EYS: variants seen among roughly 807,000 people sequenced by gnomAD.
EYS encodes the protein protein eyes shut homolog.
A neutral mutation model predicts 282.1 loss-of-function variants in EYS; 250 were observed. That is an observed-to-expected ratio of 0.89 (90% CI 0.80 to 0.98). EYS has a LOEUF of 0.98. Ranked by LOEUF, EYS falls within the 50% of genes least tolerant of loss-of-function variation. EYS has a pLI of 0.00. For synonymous variants in EYS, 1,355 were observed against 1,282.9 expected (o/e 1.06, Z -1.20); for missense variants, 4,016 against 3,709.0 (o/e 1.08, Z -2.15).
chr6:64,610,195 G>A (rs1374543349), intron 24 of EYS, among the ~76,000 whole-genome samples: 1 of 151,900 alleles, frequency 6.6e-6, no homozygotes, highest in African/African-American at 2.4e-5. Flanking sequence ...AGTCTAAAAT[G>A]TTAAGCCATT....
chr6:64,443,324 C>G (rs1288457335), intron 26 of EYS, among the ~76,000 whole-genome samples: 2 of 152,160 alleles, frequency 1.3e-5, no homozygotes, highest in African/African-American at 4.8e-5. Flanking sequence ...ATCTAGGAAG[C>G]AATTAACTTG....
At chr6:65,145,025 C>T (rs1473775527) in intron 12 of EYS, among the ~76,000 whole-genome samples, 1 of 151,982 alleles carries the variant, frequency 6.6e-6, no homozygotes, top group Non-Finnish European at 1.5e-5. Flanking sequence ...CCCATCTTGG[C>T]CTCCCAAAGT....
chr6:65,195,382 T>C (rs564392107), intron 12 of EYS, among the ~76,000 whole-genome samples: 1 of 152,186 alleles, frequency 6.6e-6, no homozygotes, highest in South Asian at 2.1e-4. Context: ...TTCTTAATGC[T>C]GTGGTTTTAC....
At chr6:64,833,734 T>C (rs1765294212) in intron 19 of EYS, among the ~76,000 whole-genome samples, 1 of 151,932 alleles carries the variant, frequency 6.6e-6, no homozygotes. Context: ...GTTAAAATTA[T>C]ATTTCCACAT....
chr6:65,117,788 G>A lies in EYS; in HGVS notation c.2024-60061C>T, dbSNP rs193164258. Among the ~76,000 whole-genome samples the A allele has an allele frequency of 1.8e-3, 269 of 152,260 alleles. 3 individuals are homozygous for A. The highest frequency in any genetic ancestry group is 6.2e-3 in the African/African-American group (259 of 41,568). On this transcript the variant is annotated intron_variant, in intron 12 of 42. Transcript: ENST00000503581. Reference sequence around the variant, plus strand: ...CCAAGGAAGAATCTGACATAAAAAAGAATTAAATATGTTATTAATGCCCTA... The same window carrying A: ...CCAAGGAAGAATCTGACATAAAAAAAAATTAAATATGTTATTAATGCCCTA...
At chr6:64,414,749 C>T (rs1190872462) in intron 28 of EYS, among the ~76,000 whole-genome samples, 4 of 152,172 alleles carry the variant, frequency 2.6e-5, no homozygotes, top group African/African-American at 7.2e-5. Flanking sequence ...ATACTTTGCC[C>T]GTTGCTTTTC....
chr6:64,967,374 G>A (rs964768860), intron 14 of EYS, among the ~76,000 whole-genome samples: 4 of 151,350 alleles, frequency 2.6e-5, no homozygotes, highest in Non-Finnish European at 5.9e-5. Context: ...CCCCAAGCTG[G>A]AGTGCAGTGG....
intron 1 of EYS, among the ~76,000 whole-genome samples, chr6:65,675,342 C>A (rs1290793401): frequency 1.3e-5 from 2 of 151,396 alleles, no homozygotes. Context: ...AAAACCAAAA[C>A]CATGATTTAA....
chr6:63,813,214 G>C (rs13201665), intron 36 of EYS, among the ~76,000 whole-genome samples: 2 of 151,968 alleles, frequency 1.3e-5, no homozygotes, highest in African/African-American at 4.8e-5. Context: ...TCTTGAGCTC[G>C]AGCGATCTGC....
intron 2 of EYS, among the ~76,000 whole-genome samples, chr6:65,539,886 C>T (rs1037268340): frequency 4.6e-5 from 7 of 152,084 alleles, no homozygotes; most frequent in Admixed American, 1.3e-4. Context: ...GCATTTCATC[C>T]AACCAGATGT....
intron 12 of EYS, among the ~76,000 whole-genome samples, chr6:65,254,289 T>G (rs753566892): frequency 6.6e-6 from 1 of 151,798 alleles, no homozygotes; most frequent in Admixed American, 6.6e-5. Context: ...TGAGATATTT[T>G]GGGGGATAAA....
At chr6:64,900,929 G>A (rs1003284756) in intron 18 of EYS, among the ~76,000 whole-genome samples, 1 of 151,814 alleles carries the variant, frequency 6.6e-6, no homozygotes, top group Admixed American at 6.6e-5. Context: ...CTACTATAAA[G>A]ACACATGCAC....
chr6:64,085,541 A>G (rs1292856247), intron 31 of EYS, among the ~76,000 whole-genome samples: 1 of 152,204 alleles, frequency 6.6e-6, no homozygotes, highest in Non-Finnish European at 1.5e-5. Flanking sequence ...TCTCAAAATT[A>G]TCTCTTAAAA....
intron 36 of EYS, among the ~76,000 whole-genome samples, chr6:63,823,258 A>G (rs560172448): frequency 1.3e-5 from 2 of 152,288 alleles, no homozygotes; most frequent in South Asian, 4.1e-4. Context: ...TGCTGAGTTA[A>G]TAAAATGAAT....
chr6:65,372,023 C>T (rs1765175114), intron 8 of EYS, among the ~76,000 whole-genome samples: 1 of 145,360 alleles, frequency 6.9e-6, no homozygotes, highest in African/African-American at 2.5e-5. Flanking sequence ...ACTGATTTAA[C>T]TGGAGGATAG....
intron 2 of EYS, among the ~76,000 whole-genome samples, chr6:65,528,773 G>A (rs528043511): frequency 6.6e-6 from 1 of 152,252 alleles, no homozygotes; most frequent in Non-Finnish European, 1.5e-5. Context: ...TACATATAAA[G>A]TAAAGAGAAG....
At chr6:64,641,820 C>A (rs1768165485) in intron 22 of EYS, among the ~76,000 whole-genome samples, 1 of 152,068 alleles carries the variant, frequency 6.6e-6, no homozygotes, top group African/African-American at 2.4e-5. Context: ...GAGCGTGAAC[C>A]CTATTGTGAA....
rs115144168 is a variant in EYS, at chr6:65,525,244, G to A, written c.-332-29251C>T. Among the ~76,000 whole-genome samples the A allele has an allele frequency of 7.7e-3, 1,170 of 152,070 alleles. 18 individuals are homozygous for A. Among genetic ancestry groups the A allele is most frequent in the African/African-American group, 0.025 (1,049 of 41,486 alleles). On this transcript the variant is annotated intron_variant, in intron 2 of 42. Coordinates refer to ENST00000503581, the MANE Select transcript of EYS (RefSeq NM_001142800.2). Reference sequence around the variant, plus strand: ...TGAAAAAACTGGGGAATCATGACTGGTATCCATAGAAAAAGTCATCCTATC... The same window carrying A: ...TGAAAAAACTGGGGAATCATGACTGATATCCATAGAAAAAGTCATCCTATC...
At chr6:64,126,349 A>AGCCGGGCGCGGTGGCGGGCGCCCGGC (rs1281409419) in intron 31 of EYS, among the ~76,000 whole-genome samples, 1 of 150,248 alleles carries the variant, frequency 6.7e-6, no homozygotes, top group Non-Finnish European at 1.5e-5. Context: ...TGTGGCACAT[A>AGCCGGGCGCGGTGGCGGGCGCCCGGC]TACACCATGG....
Sources: gnomAD v4.1 joint callset for allele counts (sites outside exome capture counted in the v4.1 genomes callset) on GRCh38, gnomAD v4.1.1 for gene constraint, MANE v1.5 for transcripts, NCBI Gene and HGNC (gene_info 2026-07-23, HGNC 2026-07-21) for gene names.